TBCK: variants seen among roughly 807,000 people sequenced by gnomAD.
TBCK encodes the protein TBC domain-containing protein kinase-like protein.
Under a neutral mutation model 113.4 loss-of-function variants are expected in TBCK, and 99 were observed. The ratio of observed to expected loss-of-function variants is 0.87; its 90% confidence interval spans 0.74 to 1.03. The LOEUF is 1.03. TBCK is among the 50% of genes least tolerant of loss of function. The probability of loss-of-function intolerance (pLI) is 0.00; values close to 1 mark genes in which losing one functional copy is unlikely to be tolerated. For synonymous variants in TBCK, 369 were observed against 370.8 expected, an observed-to-expected ratio of 1.00 and a Z score of 0.05; for missense variants, 1,045 against 1,061.3, an observed-to-expected ratio of 0.98 and a Z score of 0.21.
Position 106,128,877 on chromosome 4 carries a change from G to A in TBCK, c.2236-12499C>T, listed in dbSNP as rs150591013. On this transcript the variant is annotated intron_variant, in intron 23 of 25. Transcript: ENST00000394708. Reference sequence around the variant, plus strand: ...ATTAAAAATGTACAAAGTTAACATCGTATGATATTGCATCAGGAAAGACCA... The same window carrying A: ...ATTAAAAATGTACAAAGTTAACATCATATGATATTGCATCAGGAAAGACCA... Among the ~76,000 whole-genome samples, 880 of 152,086 alleles carry A rather than the reference G, an allele frequency of 5.8e-3. 10 individuals are homozygous for A. The highest frequency in any genetic ancestry group is 0.02 in the African/African-American group (833 of 41,496).
In TBCK at chr4:106,231,749, T is replaced by A. The variant is rs769915221; in HGVS notation, c.1670A>T (p.Tyr557Phe). Reference protein sequence around the residue: ...GLDSLCAPFLYLNFNNEALAY... With the variant: ...GLDSLCAPFLFLNFNNEALAY... The stretch of plus-strand genomic sequence containing the variant: ...CTTACCTTCATTATTGAAGTTTAGA[T>A]ATAGGAATGGAGCACAAAGTGAGTC... The change falls in exon 18 of 26, where the codon TAT becomes TTT. Residue 557 changes from tyrosine to phenylalanine, a missense_variant. Transcript: ENST00000394708. 1.9e-6 allele frequency: 3 copies of A among 1,609,534 alleles called. No homozygotes were observed. The highest frequency in any genetic ancestry group is 2.7e-5 in the African/African-American group (2 of 74,672).
chr4:106,175,325 T>C (rs1454489040), intron 22 of TBCK, among the ~76,000 whole-genome samples: 1 of 151,628 alleles, frequency 6.6e-6, no homozygotes, highest in Non-Finnish European at 1.5e-5. Flanking sequence ...TGATTCTACA[T>C]ATTTACAAGA....
chr4:106,190,736 CT>C (rs995655576), intron 22 of TBCK, among the ~76,000 whole-genome samples: 82 of 146,656 alleles, frequency 5.6e-4, no homozygotes, highest in Middle Eastern at 3.6e-3. Flanking sequence ...AGAAGAAGAA[CT>C]TTTTTTTTTT....
At chr4:106,102,751 A>C (rs937321061) in intron 24 of TBCK, among the ~76,000 whole-genome samples, 1 of 152,228 alleles carries the variant, frequency 6.6e-6, no homozygotes, top group African/African-American at 2.4e-5. Context: ...AACATGATAC[A>C]GGGACATTAT....
At chr4:106,250,538 T>C in intron 6 of TBCK, 60 bp from the exon 7 acceptor site, 1 of 936,596 alleles carries the variant, frequency 1.1e-6, no homozygotes, top group Non-Finnish European at 1.6e-6. Context: ...TAGGAAGGCA[T>C]TTTTCTCCCC....
intron 1 of TBCK, among the ~76,000 whole-genome samples, chr4:106,312,117 CCT>C (rs1398432816): frequency 6.6e-6 from 1 of 151,928 alleles, no homozygotes; most frequent in Non-Finnish European, 1.5e-5. Flanking sequence ...CAAAGGCACC[CCT>C]GAGAAAATAA....
intron 23 of TBCK, chr4:106,163,272 G>C (rs1215914604): frequency 6.6e-6 from 1 of 152,180 alleles, no homozygotes; most frequent in African/African-American, 2.4e-5. Flanking sequence ...CATTCAATAA[G>C]TCTCTAGGGA....
At chr4:106,306,389 T>G (rs1767530240) in intron 2 of TBCK, among the ~76,000 whole-genome samples, 1 of 152,018 alleles carries the variant, frequency 6.6e-6, no homozygotes, top group Admixed American at 6.6e-5. Flanking sequence ...TTGGCCTTGA[T>G]ATTCTTCAAC....
chr4:106,267,298 A>G (rs905416449), intron 3 of TBCK, among the ~76,000 whole-genome samples: 2 of 151,834 alleles, frequency 1.3e-5, no homozygotes, highest in African/African-American at 4.8e-5. Flanking sequence ...ATAATTGATA[A>G]CTCCCAATAA....
At chr4:106,260,247 T>A (rs1035684529) in intron 5 of TBCK, among the ~76,000 whole-genome samples, 190 bp downstream of exon 5, 14 of 151,840 alleles carry the variant, frequency 9.2e-5, no homozygotes, top group African/African-American at 2.4e-4. Context: ...ATGATGAACA[T>A]CAACGAGGAT....
chr4:106,227,050 A>G (rs970286538), intron 19 of TBCK, among the ~76,000 whole-genome samples: 2 of 152,124 alleles, frequency 1.3e-5, no homozygotes, highest in Admixed American at 1.3e-4. Context: ...CAAAGCAAAA[A>G]GCTGTACCTT....
chr4:106,231,990 A>G (rs890988682), intron 17 of TBCK, among the ~76,000 whole-genome samples: 5 of 151,784 alleles, frequency 3.3e-5, no homozygotes, highest in African/African-American at 1.2e-4. Context: ...AGTTATTATT[A>G]TCTATATTAT....
intron 23 of TBCK, among the ~76,000 whole-genome samples, chr4:106,120,605 G>A (rs1374159764): frequency 3.3e-5 from 5 of 152,306 alleles, no homozygotes; most frequent in East Asian, 1.9e-4. Context: ...CTCTCAGCAC[G>A]CAGCTGGAGA....
At chr4:106,279,546 T>A (rs895065641) in intron 3 of TBCK, among the ~76,000 whole-genome samples, 1 of 152,102 alleles carries the variant, frequency 6.6e-6, no homozygotes, top group African/African-American at 2.4e-5. Context: ...AAATACCAGA[T>A]CTTATTCATT....
At chr4:106,094,451 T>G (rs1325175011) in intron 25 of TBCK, among the ~76,000 whole-genome samples, 2 of 152,200 alleles carry the variant, frequency 1.3e-5, no homozygotes, top group Non-Finnish European at 1.5e-5. Flanking sequence ...AAAGTGTGGT[T>G]ATTAGTTTTT....
intron 19 of TBCK, among the ~76,000 whole-genome samples, chr4:106,227,586 T>C (rs544079307): frequency 2.0e-4 from 31 of 151,982 alleles, no homozygotes; most frequent in Non-Finnish European, 2.9e-4. Context: ...CATCTAGTAT[T>C]CCTACTTCAC....
chr4:106,118,708 G>C (rs546531183), intron 23 of TBCK, among the ~76,000 whole-genome samples: 2 of 152,306 alleles, frequency 1.3e-5, no homozygotes, highest in Non-Finnish European at 2.9e-5. Context: ...TTTCACCTGA[G>C]TGAAAAGAGT....
At chr4:106,233,501 G>A (rs368961355) in intron 16 of TBCK, 87 bp downstream of exon 16, 27 of 1,013,202 alleles carry the variant, frequency 2.7e-5, no homozygotes, top group South Asian at 2.6e-4. Flanking sequence ...GTATTCATGA[G>A]AGAAAGAGGC....
At chr4:106,110,283 G>A (rs1472019674) in intron 24 of TBCK, among the ~76,000 whole-genome samples, 1 of 152,120 alleles carries the variant, frequency 6.6e-6, no homozygotes, top group African/African-American at 2.4e-5. Context: ...ATTCAGCCAG[G>A]GTCTATGGGT....
Sources: allele counts gnomAD v4.1 joint callset (sites outside exome capture counted in the v4.1 genomes callset), GRCh38; gene constraint gnomAD v4.1.1; transcripts MANE v1.5; gene names NCBI Gene and HGNC (gene_info 2026-07-23, HGNC 2026-07-21).